ATP8B4: variants seen among roughly 807,000 people sequenced by gnomAD.
The protein encoded by ATP8B4 is probable phospholipid-transporting ATPase IM.
In ATP8B4, 133 loss-of-function variants were observed where a neutral mutation model predicts 145.6. The observed-to-expected ratio is 0.91, with a 90% CI of 0.79 to 1.05. The LOEUF (loss-of-function observed/expected upper bound fraction) is 1.05, where lower values mean the gene tolerates loss of function less well. Among genes scored for constraint, ATP8B4 ranks in the 50% least tolerant of loss-of-function variants. The probability of loss-of-function intolerance (pLI) is 0.00; values close to 1 mark genes in which losing one functional copy is unlikely to be tolerated. For missense variants in ATP8B4, 1,458 were observed against 1,425.2 expected (o/e 1.02, Z -0.37); for synonymous variants, 507 against 492.9 (o/e 1.03, Z -0.38).
intron 1 of ATP8B4, among the ~76,000 whole-genome samples, chr15:50,158,452 G>A (rs562157492): frequency 3.1e-4 from 46 of 149,516 alleles, no homozygotes; most frequent in African/African-American, 9.2e-4. Context: ...GTCAGACCCC[G>A]CCCGGCCAGC....
intron 20 of ATP8B4, among the ~76,000 whole-genome samples, chr15:49,901,538 A>C (rs142475409): frequency 3.9e-5 from 6 of 152,328 alleles, no homozygotes; most frequent in African/African-American, 1.2e-4. Flanking sequence ...GGATCTTGAT[A>C]GATTTGGTAC....
chr15:49,867,476 G>C (rs1242193515), intron 25 of ATP8B4, among the ~76,000 whole-genome samples: 1 of 152,156 alleles, frequency 6.6e-6, no homozygotes, highest in Non-Finnish European at 1.5e-5. Context: ...CCCTCAGGAG[G>C]TCTGAAAACA....
intron 7 of ATP8B4, among the ~76,000 whole-genome samples, chr15:50,003,308 G>A (rs2048051186): frequency 6.6e-6 from 1 of 151,410 alleles, no homozygotes; most frequent in Non-Finnish European, 1.5e-5. Flanking sequence ...GTGTGTGTGT[G>A]TGTGGTTTTG....
chr15:49,970,893 A>G (rs1210333294), intron 13 of ATP8B4, among the ~76,000 whole-genome samples: 1 of 152,252 alleles, frequency 6.6e-6, no homozygotes, highest in Non-Finnish European at 1.5e-5. Flanking sequence ...TACAGCAACC[A>G]AAACAGCATG....
At chr15:50,040,772 G>C (rs2051218004) in intron 5 of ATP8B4, among the ~76,000 whole-genome samples, 1 of 152,110 alleles carries the variant, frequency 6.6e-6, no homozygotes. Flanking sequence ...GATTAGAAAT[G>C]GTAGTTTCAA....
Position 50,133,639 on chromosome 15 carries a change from C to T in ATP8B4, c.-42-26631G>A, listed in dbSNP as rs115469688. On this transcript the variant is annotated intron_variant, in intron 1 of 3. Transcript: ENST00000558829. Reference sequence around the variant, plus strand: ...ATTAAAAATAAGAAAGTCAAACTCACAGAAGCAGAGAGCATAATAAGCAGT... The same window carrying T: ...ATTAAAAATAAGAAAGTCAAACTCATAGAAGCAGAGAGCATAATAAGCAGT... Among the ~76,000 whole-genome samples the T allele has an allele frequency of 8.0e-3, 1,211 of 152,060 alleles. 22 individuals carry two copies. Among genetic ancestry groups the T allele is most frequent in the African/African-American group, 0.028 (1,167 of 41,486 alleles).
At chr15:49,997,107 A>C (rs765422849) in intron 8 of ATP8B4, among the ~76,000 whole-genome samples, 3 of 152,186 alleles carry the variant, frequency 2.0e-5, no homozygotes, top group Non-Finnish European at 4.4e-5. Context: ...TTGCCAAATA[A>C]AGGAGGCTAA....
At chr15:50,023,350 A>G (rs2049737870) in intron 6 of ATP8B4, among the ~76,000 whole-genome samples, 1 of 152,188 alleles carries the variant, frequency 6.6e-6, no homozygotes, top group African/African-American at 2.4e-5. Flanking sequence ...AATTAGGTAC[A>G]TTTGGGTAAA....
intron 5 of ATP8B4, among the ~76,000 whole-genome samples, chr15:50,043,960 A>C (rs1172083827): frequency 8.4e-6 from 1 of 118,646 alleles, no homozygotes; most frequent in Non-Finnish European, 1.8e-5. Context: ...ACTCCGTTTC[A>C]AAAAAAAAAA....
chr15:50,035,765 A>G (rs902051545), intron 6 of ATP8B4, among the ~76,000 whole-genome samples: 1 of 152,186 alleles, frequency 6.6e-6, no homozygotes, highest in Admixed American at 6.5e-5. Context: ...AGGTTTCCTG[A>G]CTGCTACTTT....
chr15:49,911,445 A>C (rs980610844), intron 20 of ATP8B4, among the ~76,000 whole-genome samples: 1 of 152,156 alleles, frequency 6.6e-6, no homozygotes, highest in African/African-American at 2.4e-5. Flanking sequence ...TATAATGATA[A>C]AGGGATCAGT....
chr15:50,146,987 C>T (rs1053896932), intron 1 of ATP8B4, among the ~76,000 whole-genome samples: 1 of 151,850 alleles, frequency 6.6e-6, no homozygotes, highest in Non-Finnish European at 1.5e-5. Context: ...GGCTGTCTCA[C>T]TGGGAACCAG....
chr15:50,024,762 G>C (rs1263733414), intron 6 of ATP8B4, among the ~76,000 whole-genome samples: 1 of 152,154 alleles, frequency 6.6e-6, no homozygotes, highest in Non-Finnish European at 1.5e-5. Flanking sequence ...ATCATATCTT[G>C]AGCTCTGCTA....
At position 50,079,092 on chromosome 15, in the gene ATP8B4, T is replaced by C. The variant is rs370499192; in HGVS notation, c.29-4907A>G. 3.3e-5 allele frequency among the ~76,000 whole-genome samples: 5 copies of C among 152,302 alleles called. No homozygotes were observed. In the East Asian group the frequency reaches 7.7e-4, roughly 24 times the overall value. The stretch of plus-strand genomic sequence containing the variant: ...TAACTAAAAGTATAATTGGATTGTT[T>C]CTAATACAAAGGAAAATGTTTGAGG... On this transcript the variant is annotated intron_variant, in intron 2 of 27. Transcript: ENST00000284509.
intron 14 of ATP8B4, among the ~76,000 whole-genome samples, chr15:49,958,196 T>C (rs2153503699): frequency 6.6e-6 from 1 of 151,474 alleles, no homozygotes; most frequent in African/African-American, 2.4e-5. Flanking sequence ...AAAATAAAGA[T>C]AAAATAATCA....
intron 1 of ATP8B4, among the ~76,000 whole-genome samples, chr15:50,138,136 T>C (rs2044148272): frequency 6.6e-6 from 1 of 152,140 alleles, no homozygotes; most frequent in African/African-American, 2.4e-5. Context: ...ATTGGTGCAA[T>C]CTTTCCAGAA....
chr15:49,892,020 G>T (rs1193912870), intron 23 of ATP8B4, among the ~76,000 whole-genome samples: 1 of 151,742 alleles, frequency 6.6e-6, no homozygotes, highest in African/African-American at 2.4e-5. Flanking sequence ...GGAGGCTGAG[G>T]CAGGAGAATC....
At chr15:49,888,986 CTT>C (rs1431726382) in intron 23 of ATP8B4, among the ~76,000 whole-genome samples, 1 of 152,096 alleles carries the variant, frequency 6.6e-6, no homozygotes, top group African/African-American at 2.4e-5. Flanking sequence ...CATGAGGTCT[CTT>C]TCAATAGAGA....
intron 14 of ATP8B4, among the ~76,000 whole-genome samples, chr15:49,955,717 C>G (rs762372772): frequency 1.3e-5 from 2 of 152,098 alleles, no homozygotes; most frequent in African/African-American, 2.4e-5. Flanking sequence ...TCCTGTCATG[C>G]TACAATATGG....
Sources: gnomAD v4.1 joint callset for allele counts (sites outside exome capture counted in the v4.1 genomes callset) on GRCh38, gnomAD v4.1.1 for gene constraint, MANE v1.5 for transcripts, NCBI Gene and HGNC (gene_info 2026-07-23, HGNC 2026-07-21) for gene names.